Variants in LRRK2 observed in about 807,000 individuals in gnomAD.
The protein encoded by LRRK2 is leucine rich repeat kinase 2.
A neutral mutation model predicts 302.6 loss-of-function variants in LRRK2; 203 were observed. The ratio of observed to expected loss-of-function variants is 0.67; its 90% confidence interval spans 0.60 to 0.75. The LOEUF (loss-of-function observed/expected upper bound fraction) is 0.75. LRRK2 is among the 30% of genes least tolerant of loss of function. The probability of loss-of-function intolerance (pLI) is 0.00; values close to 1 mark genes in which losing one functional copy is unlikely to be tolerated. For missense variants in LRRK2, 2,830 were observed against 2,951.0 expected (o/e 0.96, Z 0.95); for synonymous variants, 1,066 against 1,031.9 (o/e 1.03, Z -0.63).
At chr12:40,241,836 A>G (rs1226416976) in intron 6 of LRRK2, among the ~76,000 whole-genome samples, 3 of 152,184 alleles carry the variant, frequency 2.0e-5, no homozygotes, top group South Asian at 4.1e-4. Context: ...GGTGATGTTT[A>G]TAAAATCACA....
chr12:40,364,916 T>G lies in LRRK2; in HGVS notation c.7256T>G (p.Leu2419Arg). 6.2e-7 allele frequency: 1 copy of G among 1,612,570 alleles called. No individual in the cohort carries two copies. Among genetic ancestry groups the G allele is most frequent in the Non-Finnish European group, 8.5e-7 (1 of 1,179,084 alleles). Reference sequence around the variant, plus strand: ...TCTGGGAGAGTGAAAACCCTCTGCCTTCAGAAGAACACTGCTCTTTGGATA... The same window carrying G: ...TCTGGGAGAGTGAAAACCCTCTGCCGTCAGAAGAACACTGCTCTTTGGATA... ...SYSGRVKTLC[L>R]QKNTALWIGT... The change falls in exon 49 of 51, where the codon CTT becomes CGT. Residue 2419 changes from leucine to arginine, a missense_variant. Around this residue, in one of 3 missense-constraint regions of LRRK2, gnomAD observed 456 missense variants for 456.3 expected, o/e 1.00. Transcript: ENST00000298910.
Position 40,299,399 on chromosome 12 carries a change from G to A in LRRK2, c.3496+142G>A, listed in dbSNP as rs1269015889. On this transcript the variant is annotated intron_variant, in intron 25 of 50. Transcript: ENST00000298910. The stretch of plus-strand genomic sequence containing the variant: ...TGGATTTAAAAAATAAAATTAGCAG[G>A]TTGGCAATAAAACAAAATGCTATAA... The A allele has an allele frequency of 8.2e-5, 77 of 936,270 alleles. 1 individual carries two copies. The Admixed American group carries it at 1.6e-3, about 20-fold the overall frequency. The allele number at this position is 936,270 out of a possible 1,614,324, so 58.0% of individuals were successfully genotyped here.
chr12:40,347,956 T>TAAAA (rs35847030), intron 42 of LRRK2, among the ~76,000 whole-genome samples: 1 of 150,780 alleles, frequency 6.6e-6, no homozygotes, highest in East Asian at 1.9e-4. Context: ...GACTCCATCT[T>TAAAA]AAAAAAAAAA....
intron 29 of LRRK2, 93 bp downstream of exon 29, chr12:40,308,789 C>T: frequency 1.7e-6 from 2 of 1,154,772 alleles, no homozygotes; most frequent in African/African-American, 1.5e-5. Context: ...TATCCAGAAA[C>T]CTGGTAGACT....
At chr12:40,333,027 A>G (rs986701381) in intron 39 of LRRK2, among the ~76,000 whole-genome samples, 2 of 151,744 alleles carry the variant, frequency 1.3e-5, no homozygotes, top group African/African-American at 4.8e-5. Context: ...TCATTCTACC[A>G]GTAGTCATGG....
Position 40,299,132 on chromosome 12 carries a change from C to G in LRRK2, c.3371C>G (p.Ser1124Cys). 1 of 1,612,740 alleles carries G rather than the reference C, an allele frequency of 6.2e-7. No individual in the cohort carries two copies. Among genetic ancestry groups the G allele is most frequent in the South Asian group, 1.1e-5 (1 of 91,046 alleles). ...LEGNKISGICSPLRLKELKIL... is the reference protein window; with the variant it reads ...LEGNKISGICCPLRLKELKIL... Reference sequence around the variant, plus strand: ...AGAAATAAAATATCAGGGATATGCTCCCCCTTGAGACTGAAGGAACTGAAG... The same window carrying G: ...AGAAATAAAATATCAGGGATATGCTGCCCCTTGAGACTGAAGGAACTGAAG... Residue 1124 changes from serine to cysteine, a missense_variant, in exon 25 of 51, where the codon TCC becomes TGC. Ser to Cys is a moderately radical substitution (Grantham distance 112). Coordinates refer to ENST00000298910, the MANE Select transcript of LRRK2 (RefSeq NM_198578.4).
chr12:40,320,166 T>C lies in LRRK2; in HGVS notation c.5006T>C (p.Val1669Ala). Reference protein sequence around the residue: ...ALPIGEEYLLVPSSLSDHRPV... With the variant: ...ALPIGEEYLLAPSSLSDHRPV... ...CCAATAGGAGAAGAATATTTGCTGG[T>C]TCCAAGCAGGTAAAGAAAACCTTAA... Residue 1669 changes from valine (V) to alanine (A), a missense_variant, in exon 34 of 51, where the codon GTT becomes GCT. By Grantham distance (64) the Val-to-Ala change is moderately conservative. Transcript: ENST00000298910. 6.2e-7 allele frequency: 1 copy of C among 1,611,574 alleles called. No individual in the cohort carries two copies. Among genetic ancestry groups the C allele is most frequent in the Non-Finnish European group, 8.5e-7 (1 of 1,178,592 alleles).
chr12:40,335,804 G>C (rs964489827), intron 40 of LRRK2, among the ~76,000 whole-genome samples: 1 of 152,138 alleles, frequency 6.6e-6, no homozygotes, highest in African/African-American at 2.4e-5. Flanking sequence ...CATTCCAGAT[G>C]AAACTCTTGA....
intron 31 of LRRK2, among the ~76,000 whole-genome samples, chr12:40,312,359 G>T (rs536863795): frequency 2.5e-4 from 38 of 152,238 alleles, no homozygotes; most frequent in African/African-American, 8.4e-4. Context: ...AAACTCATTT[G>T]ATTGCTTTGT....
At chr12:40,272,191 C>G (rs1381987018) in intron 14 of LRRK2, among the ~76,000 whole-genome samples, 2 of 152,148 alleles carry the variant, frequency 1.3e-5, no homozygotes, top group East Asian at 3.8e-4. Context: ...GAAATACACA[C>G]CTGTGAAGCT....
chr12:40,259,642 T>G (rs1470174671), intron 13 of LRRK2, 38 bp downstream of exon 13: 1 of 1,610,654 alleles, frequency 6.2e-7, no homozygotes, highest in Admixed American at 1.7e-5. Flanking sequence ...AGATAACAAT[T>G]TAAATGGATT....
intron 49 of LRRK2, chr12:40,365,505 C>T (rs1224497605): frequency 6.6e-6 from 1 of 151,556 alleles, no homozygotes; most frequent in Non-Finnish European, 1.5e-5. Flanking sequence ...CAAATATTGA[C>T]AAATCATATT....
chr12:40,290,858 CTTT>C (rs1170422954), intron 20 of LRRK2, among the ~76,000 whole-genome samples: 1 of 151,786 alleles, frequency 6.6e-6, no homozygotes, highest in African/African-American at 2.4e-5. Context: ...TTAATTGACT[CTTT>C]TTATAGATTC....
chr12:40,304,330 C>T (rs536867594), intron 27 of LRRK2, 196 bp downstream of exon 27: 2 of 603,212 alleles, frequency 3.3e-6, no homozygotes, highest in East Asian at 5.6e-5. Flanking sequence ...TGATGTGTCA[C>T]TTAATTTAAT....
At chr12:40,355,537 CTT>C in intron 45 of LRRK2, among the ~76,000 whole-genome samples, 1 of 50,410 alleles carries the variant, frequency 2.0e-5, no homozygotes, top group East Asian at 4.2e-4. Flanking sequence ...CCCTTCCTTC[CTT>C]CCTTCTTCTT....
intron 13 of LRRK2, among the ~76,000 whole-genome samples, chr12:40,261,175 T>C (rs1942757190): frequency 6.6e-6 from 1 of 152,136 alleles, no homozygotes; most frequent in African/African-American, 2.4e-5. Context: ...TTATTGCATG[T>C]TTTATTGAAT....
At chr12:40,235,537 TA>T in intron 3 of LRRK2, 88 bp from the exon 4 acceptor site, 3 of 833,498 alleles carry the variant, frequency 3.6e-6, no homozygotes, top group Non-Finnish European at 6.1e-6. Context: ...ATGAGAGTAA[TA>T]AAAAATAGGT....
chr12:40,290,200 T>C (rs1944087733), intron 20 of LRRK2, among the ~76,000 whole-genome samples: 1 of 152,062 alleles, frequency 6.6e-6, no homozygotes, highest in Non-Finnish European at 1.5e-5. Context: ...CACCTTTATT[T>C]TGTTAATATG....
At chr12:40,257,665 A>G (rs1422384945) in intron 12 of LRRK2, among the ~76,000 whole-genome samples, 1 of 152,236 alleles carries the variant, frequency 6.6e-6, no homozygotes, top group Non-Finnish European at 1.5e-5. Context: ...CATAGCATAC[A>G]GCAGTTTTTC....
Sources: allele counts gnomAD v4.1 joint callset (sites outside exome capture counted in the v4.1 genomes callset), GRCh38; gene constraint gnomAD v4.1.1; regional missense constraint gnomAD v4.1.1; transcripts MANE v1.5; gene names NCBI Gene and HGNC (gene_info 2026-07-23, HGNC 2026-07-21).